The following BRINP3 variants were observed in gnomAD, a reference collection of about 807,000 sequenced individuals.
The protein encoded by BRINP3 is BMP/retinoic acid-inducible neural-specific protein 3.
Under a neutral mutation model 71.0 loss-of-function variants are expected in BRINP3, and 19 were observed. The ratio of observed to expected loss-of-function variants is 0.27; its 90% CI spans 0.19 to 0.39. The LOEUF (loss-of-function observed/expected upper bound fraction) is 0.39. Among genes scored for constraint, BRINP3 ranks in the 10% least tolerant of loss-of-function variants. BRINP3 has a pLI of 1.00. For missense variants in BRINP3, 959 were observed against 940.8 expected (o/e 1.02, Z -0.25); for synonymous variants, 380 against 337.7 (o/e 1.13, Z -1.37).
intron 2 of BRINP3, among the ~76,000 whole-genome samples, chr1:190,323,996 T>C (rs1666419953): frequency 1.3e-5 from 2 of 151,846 alleles, no homozygotes; most frequent in South Asian, 2.1e-4. Flanking sequence ...AGATAAAAAA[T>C]AGAAAAATAT....
intron 4 of BRINP3, among the ~76,000 whole-genome samples, chr1:190,255,293 C>T (rs889258770): frequency 6.6e-6 from 1 of 151,210 alleles, no homozygotes; most frequent in Non-Finnish European, 1.5e-5. Context: ...TGATGCTGGC[C>T]TCATAAAATG....
At chr1:190,187,965 T>G (rs111324772) in intron 6 of BRINP3, among the ~76,000 whole-genome samples, 3,185 of 152,138 alleles carry the variant, frequency 0.021, 105 homozygotes, top group African/African-American at 0.072. Flanking sequence ...TAGATTGTTT[T>G]GGGTAGTATG....
rs74379253 is a variant in BRINP3, at chr1:190,242,712, A to G, written c.619-8235T>C. 3.3e-3 allele frequency among the ~76,000 whole-genome samples: 507 copies of G among 152,234 alleles called. 23 individuals are homozygous for G. The East Asian group carries it at 0.078, about 23-fold the overall frequency. ...GGAGAAATAGTGATACTCGAAACAT[A>G]AGGATCGAAAGTATGATTGCAAACA... On this transcript the variant is annotated intron_variant, in intron 4 of 7. Coordinates refer to ENST00000367462, the MANE Select transcript of BRINP3 (RefSeq NM_199051.3).
intron 2 of BRINP3, among the ~76,000 whole-genome samples, chr1:190,305,155 C>A (rs1252154288): frequency 9.2e-5 from 14 of 151,872 alleles, no homozygotes; most frequent in Admixed American, 9.2e-4. Context: ...CCCTTATATA[C>A]TGCTGGCATT....
At chr1:190,309,052 A>C (rs1195482105) in intron 2 of BRINP3, among the ~76,000 whole-genome samples, 1 of 152,008 alleles carries the variant, frequency 6.6e-6, no homozygotes, top group Non-Finnish European at 1.5e-5. Flanking sequence ...CCAAGTGTAC[A>C]TCAACAGATT....
At chr1:190,197,214 G>A (rs1654564620) in intron 6 of BRINP3, among the ~76,000 whole-genome samples, 1 of 151,882 alleles carries the variant, frequency 6.6e-6, no homozygotes, top group Non-Finnish European at 1.5e-5. Flanking sequence ...CCTCCCATTG[G>A]GTCCCTCCCA....
intron 2 of BRINP3, among the ~76,000 whole-genome samples, chr1:190,313,928 A>G (rs1442708239): frequency 6.6e-6 from 1 of 152,074 alleles, no homozygotes; most frequent in African/African-American, 2.4e-5. Context: ...AAAAACTACA[A>G]ATAGGTATTT....
At chr1:190,230,271 A>G (rs1657840274) in intron 5 of BRINP3, among the ~76,000 whole-genome samples, 1 of 152,008 alleles carries the variant, frequency 6.6e-6, no homozygotes, top group South Asian at 2.1e-4. Flanking sequence ...AAATAATATT[A>G]GAAAATTGAT....
At chr1:190,208,910 A>G (rs1224038701) in intron 6 of BRINP3, among the ~76,000 whole-genome samples, 3 of 152,142 alleles carry the variant, frequency 2.0e-5, no homozygotes, top group African/African-American at 7.2e-5. Context: ...GTAAAAAAAA[A>G]TACAATCATA....
intron 7 of BRINP3, among the ~76,000 whole-genome samples, chr1:190,148,056 A>G (rs1402265094): frequency 1.3e-5 from 2 of 152,200 alleles, no homozygotes; most frequent in Non-Finnish European, 2.9e-5. Context: ...CTAATTGATG[A>G]ACTAAGAAAA....
At chr1:190,107,256 A>G (rs1652253069) in intron 7 of BRINP3, among the ~76,000 whole-genome samples, 1 of 151,896 alleles carries the variant, frequency 6.6e-6, no homozygotes, top group Admixed American at 6.6e-5. Flanking sequence ...TCAATAAGAT[A>G]TTTTCTTCGA....
intron 3 of BRINP3, among the ~76,000 whole-genome samples, chr1:190,277,004 AG>A (rs934892439): frequency 8.9e-5 from 13 of 145,290 alleles, no homozygotes; most frequent in African/African-American, 3.2e-4. Flanking sequence ...TATGATGCCT[AG>A]AATAAAAACT....
chr1:190,237,487 T>C (rs2102752619), intron 4 of BRINP3, among the ~76,000 whole-genome samples: 1 of 152,082 alleles, frequency 6.6e-6, no homozygotes, highest in African/African-American at 2.4e-5. Flanking sequence ...ACTTGTTTGT[T>C]CCAACCTATC....
intron 1 of BRINP3, among the ~76,000 whole-genome samples, chr1:190,463,765 A>G (rs1676552651): frequency 6.6e-6 from 1 of 151,890 alleles, no homozygotes; most frequent in African/African-American, 2.4e-5. Flanking sequence ...ACAATCTATA[A>G]TTTTAGATTT....
At chr1:190,276,770 T>C (rs1392899615) in intron 3 of BRINP3, among the ~76,000 whole-genome samples, 4 of 151,038 alleles carry the variant, frequency 2.6e-5, no homozygotes, top group Non-Finnish European at 4.4e-5. Context: ...ATTCCAACAA[T>C]GAAGAGAATT....
chr1:190,179,308 G>A (rs1652827397), intron 6 of BRINP3, among the ~76,000 whole-genome samples: 1 of 152,092 alleles, frequency 6.6e-6, no homozygotes, highest in South Asian at 2.1e-4. Flanking sequence ...GGTCACAGAA[G>A]CAATGACAGC....
At chr1:190,218,635 T>C (rs1276842646) in intron 6 of BRINP3, among the ~76,000 whole-genome samples, 3 of 152,048 alleles carry the variant, frequency 2.0e-5, no homozygotes, top group African/African-American at 7.2e-5. Context: ...AACATACATT[T>C]TATTAACAAG....
intron 3 of BRINP3, among the ~76,000 whole-genome samples, chr1:190,277,353 G>A (rs971857292): frequency 6.6e-6 from 1 of 150,930 alleles, no homozygotes; most frequent in Non-Finnish European, 1.5e-5. Context: ...CACTGCCTTA[G>A]AGCTGAGAGA....
rs1187413891 is a variant in BRINP3 at position 190,164,830 on chromosome 1, C to A, written c.962-3940G>T. Among the ~76,000 whole-genome samples, 15 of 151,992 alleles carry A rather than the reference C, an allele frequency of 9.9e-5. No individual in the cohort carries two copies. The East Asian group carries it at 2.9e-3, about 29-fold the overall frequency. Reference sequence around the variant, plus strand: ...TCAAGCAATCCTCCCATCTCATCGACCCAAAACGCTGGAGTTTCAGGTATG... The same window carrying A: ...TCAAGCAATCCTCCCATCTCATCGAACCAAAACGCTGGAGTTTCAGGTATG... On this transcript the variant is annotated intron_variant, in intron 6 of 7. Coordinates refer to ENST00000367462, the MANE Select transcript of BRINP3 (RefSeq NM_199051.3).
Sources: gnomAD v4.1 joint callset for allele counts (sites outside exome capture counted in the v4.1 genomes callset) on GRCh38, gnomAD v4.1.1 for gene constraint, MANE v1.5 for transcripts, NCBI Gene and HGNC (gene_info 2026-07-23, HGNC 2026-07-21) for gene names.